The following ZNF277 variants were observed in gnomAD, a reference collection of about 807,000 sequenced individuals.
The protein encoded by ZNF277 is nuclear receptor-interacting factor 4.
Under a neutral mutation model 60.7 loss-of-function variants are expected in ZNF277, and 55 were observed. The ratio of observed to expected loss-of-function variants is 0.91; its 90% confidence interval spans 0.73 to 1.13. The LOEUF is 1.13. Among genes scored for constraint, ZNF277 ranks in the 50% most tolerant of loss-of-function variants. The pLI is 0.00. For missense variants in ZNF277, 510 were observed against 523.0 expected (o/e 0.98, Z 0.24); for synonymous variants, 178 against 179.3 (o/e 0.99, Z 0.06).
intron 1 of ZNF277, among the ~76,000 whole-genome samples, chr7:112,248,438 A>G (rs1791132324): frequency 6.6e-6 from 1 of 152,104 alleles, no homozygotes; most frequent in Admixed American, 6.5e-5. Flanking sequence ...CAAAGGGGGA[A>G]AAACAGAATC....
intron 5 of ZNF277, among the ~76,000 whole-genome samples, chr7:112,325,066 A>G (rs1394676391): frequency 2.0e-5 from 3 of 152,100 alleles, no homozygotes; most frequent in Admixed American, 6.5e-5. Flanking sequence ...TAGAAATGCT[A>G]TTTTTACCAG....
chr7:112,318,225 A>G lies in ZNF277; in HGVS notation c.509A>G (p.Asn170Ser), dbSNP rs200160511. ...EQQQQERNDT[N>S]FHGVCMFCNE... ...CAGCAGCAAGAACGAAATGATACCA[A>G]TTTTCATGGCGTTTGTATGTTTTGC... is the stretch of plus-strand genomic sequence containing the variant. The change falls in exon 5 of 12, where the codon AAT (asparagine) becomes AGT (serine). Residue 170 changes from asparagine to serine, a missense_variant. Coordinates refer to ENST00000361822, the MANE Select transcript of ZNF277 (RefSeq NM_021994.3). The G allele has an allele frequency of 4.8e-5, 77 of 1,613,500 alleles. No individual in the cohort carries two copies. Among genetic ancestry groups the G allele is most frequent in the Non-Finnish European group, 6.2e-5 (73 of 1,179,556 alleles).
intron 1 of ZNF277, among the ~76,000 whole-genome samples, chr7:112,242,960 T>A (rs1042916764): frequency 6.6e-6 from 1 of 152,056 alleles, no homozygotes; most frequent in Admixed American, 6.6e-5. Context: ...AGAATGGTAC[T>A]GGTATAAAAA....
chr7:112,260,027 G>C (rs1388142642), intron 1 of ZNF277, among the ~76,000 whole-genome samples: 2 of 152,214 alleles, frequency 1.3e-5, no homozygotes. Flanking sequence ...AGCACTTTTA[G>C]AGGTCAACGC....
intron 1 of ZNF277, among the ~76,000 whole-genome samples, chr7:112,213,782 A>G (rs533378873): frequency 5.9e-5 from 9 of 152,348 alleles, no homozygotes; most frequent in Admixed American, 2.6e-4. Flanking sequence ...TCTAAAGCCA[A>G]TGTTACCATA....
intron 8 of ZNF277, among the ~76,000 whole-genome samples, chr7:112,336,996 G>C (rs2117141041): frequency 6.6e-6 from 1 of 152,294 alleles, no homozygotes; most frequent in African/African-American, 2.4e-5. Flanking sequence ...GCTTCTGTGT[G>C]AATTGGGTTA....
rs112003231 is a variant in ZNF277, at chr7:112,335,992, A to G, written c.802-112A>G. 3.9e-6 allele frequency: 3 copies of G among 770,006 alleles called. No homozygotes were observed. The East Asian group carries it at 8.4e-5, about 22-fold the overall frequency. 47.7% of individuals were successfully genotyped at this position (770,006 alleles called of 1,614,324 possible). ...TACTTGTACTGTTTCAAAACCATTT[A>G]AACATGGGTGGTTTTGTTTATTTTT... is the stretch of plus-strand genomic sequence containing the variant. On this transcript the variant is annotated intron_variant, in intron 7 of 11. Coordinates refer to ENST00000361822, the MANE Select transcript of ZNF277 (RefSeq NM_021994.3).
intron 2 of ZNF277, among the ~76,000 whole-genome samples, chr7:112,292,349 G>C (rs1416556990): frequency 1.3e-5 from 2 of 152,144 alleles, no homozygotes. Flanking sequence ...CAAACAGTTG[G>C]TGTCAATTTT....
At chr7:112,241,153 T>C (rs1790937885) in intron 1 of ZNF277, among the ~76,000 whole-genome samples, 1 of 151,330 alleles carries the variant, frequency 6.6e-6, no homozygotes, top group South Asian at 2.1e-4. Context: ...AACAACTCTA[T>C]TGGAAAAAAA....
chr7:112,224,167 A>G (rs1043530116), intron 1 of ZNF277, among the ~76,000 whole-genome samples: 1 of 152,202 alleles, frequency 6.6e-6, no homozygotes, highest in Non-Finnish European at 1.5e-5. Context: ...CAGAAAAAAT[A>G]TTTTATTCAG....
At chr7:112,336,885 C>G (rs963104555) in intron 8 of ZNF277, among the ~76,000 whole-genome samples, 1 of 152,118 alleles carries the variant, frequency 6.6e-6, no homozygotes, top group Non-Finnish European at 1.5e-5. Context: ...TTTAATGACA[C>G]AAAAGGTTAT....
At chr7:112,330,876 A>C (rs1793213529) in intron 7 of ZNF277, among the ~76,000 whole-genome samples, 1 of 151,978 alleles carries the variant, frequency 6.6e-6, no homozygotes, top group Non-Finnish European at 1.5e-5. Context: ...GAGCCACCAC[A>C]CCTGGCCAGA....
intron 1 of ZNF277, among the ~76,000 whole-genome samples, chr7:112,247,370 G>A (rs987280961): frequency 4.2e-4 from 64 of 152,108 alleles, no homozygotes; most frequent in Admixed American, 4.0e-3. Flanking sequence ...GATGGAATAC[G>A]GTGCAGCTAT....
intron 2 of ZNF277, among the ~76,000 whole-genome samples, chr7:112,294,905 T>C (rs755594140): frequency 1.6e-4 from 25 of 152,226 alleles, no homozygotes; most frequent in Non-Finnish European, 2.8e-4. Context: ...GGACCTAATA[T>C]ATCCAAAACA....
Position 112,337,754 on chromosome 7 carries a change from C to T in ZNF277, c.894C>T (p.His298=). 6.2e-7 allele frequency: 1 copy of T among 1,612,436 alleles called. No homozygotes were observed. The highest frequency in any genetic ancestry group is 1.1e-5 in the South Asian group (1 of 91,048). ...QEDDWSDWEE[H]PASAVCLFCE... ...GTGACTGGTCTGATTGGGAAGAACA[C>T]CCTGCCTCTGCAGTCTGCTTATTTT... Residue 298 remains histidine, a synonymous_variant, in exon 9 of 12, where the codon CAC becomes CAT. Transcript: ENST00000361822.
intron 11 of ZNF277, 129 bp downstream of exon 11, chr7:112,341,175 G>C (rs545797227): frequency 2.6e-6 from 2 of 775,166 alleles, no homozygotes; most frequent in Non-Finnish European, 3.7e-6. Flanking sequence ...CATCAGTACA[G>C]TGTGGGGAAA....
At chr7:112,218,488 A>G (rs1821944400) in intron 1 of ZNF277, among the ~76,000 whole-genome samples, 1 of 152,136 alleles carries the variant, frequency 6.6e-6, no homozygotes, top group Admixed American at 6.5e-5. Context: ...GAGAACATTT[A>G]AGATCTACTC....
chr7:112,232,674 G>A (rs1822371097), intron 1 of ZNF277, among the ~76,000 whole-genome samples: 1 of 152,110 alleles, frequency 6.6e-6, no homozygotes, highest in Admixed American at 6.5e-5. Context: ...TTTTGTGTTA[G>A]CGCAGTTGTG....
intron 1 of ZNF277, among the ~76,000 whole-genome samples, chr7:112,229,640 G>C (rs747022624): frequency 6.6e-6 from 1 of 152,182 alleles, no homozygotes; most frequent in Non-Finnish European, 1.5e-5. Flanking sequence ...CGAGCTCTGA[G>C]TCTCAGCAAG....
Sources: gnomAD v4.1 joint callset for allele counts (sites outside exome capture counted in the v4.1 genomes callset) on GRCh38, gnomAD v4.1.1 for gene constraint, MANE v1.5 for transcripts, NCBI Gene and HGNC (gene_info 2026-07-23, HGNC 2026-07-21) for gene names.